Variants in LIMS1 observed in about 807,000 individuals in gnomAD.
LIMS1 encodes the protein LIM and senescent cell antigen-like-containing domain protein 1.
LIMS1 carries 18 observed loss-of-function variants against 44.1 expected under a neutral mutation model. That is an observed-to-expected ratio of 0.41 (90% CI 0.28 to 0.61). The LOEUF (loss-of-function observed/expected upper bound fraction) is 0.61, where lower values mean the gene tolerates loss of function less well. Ranked by LOEUF, LIMS1 falls within the 20% of genes least tolerant of loss-of-function variation. The pLI is 0.32. For synonymous variants in LIMS1, 93 were observed against 149.1 expected (o/e 0.62, Z 2.74); for missense variants, 201 against 422.0 (o/e 0.48, Z 4.59).
intron 1 of LIMS1, among the ~76,000 whole-genome samples, chr2:108,585,929 C>G (rs955557385): frequency 2.0e-5 from 3 of 152,050 alleles, no homozygotes; most frequent in African/African-American, 7.2e-5. Context: ...CGTGGTGGCT[C>G]ATGCCTGTAA....
At chr2:108,606,895 C>T (rs1687299307) in intron 1 of LIMS1, among the ~76,000 whole-genome samples, 2 of 152,230 alleles carry the variant, frequency 1.3e-5, no homozygotes, top group South Asian at 4.1e-4. Context: ...AAATATAGCA[C>T]AATTAGTTGT....
intron 1 of LIMS1, among the ~76,000 whole-genome samples, chr2:108,611,854 T>TATAC (rs771325535): frequency 0.032 from 3,966 of 125,228 alleles, 153 homozygotes; most frequent in South Asian, 0.15. Flanking sequence ...TATATATATA[T>TATAC]ACACACATAT....
chr2:108,609,208 G>A (rs903238223), intron 1 of LIMS1, among the ~76,000 whole-genome samples: 3 of 152,126 alleles, frequency 2.0e-5, no homozygotes, highest in Admixed American at 2.0e-4. Flanking sequence ...TTCCTGTGTT[G>A]GTGTGTGTGC....
intron 1 of LIMS1, among the ~76,000 whole-genome samples, chr2:108,643,537 G>A (rs2148925642): frequency 6.6e-6 from 1 of 152,108 alleles, no homozygotes; most frequent in South Asian, 2.1e-4. Flanking sequence ...CAGGGCCCTG[G>A]GTTTCCAGCA....
At chr2:108,570,506 C>T (rs1382484541) in intron 1 of LIMS1, among the ~76,000 whole-genome samples, 1 of 152,056 alleles carries the variant, frequency 6.6e-6, no homozygotes, top group Admixed American at 6.5e-5. Flanking sequence ...TTTCTGGAAT[C>T]CAGAAGTTGC....
At chr2:108,566,016 C>G (rs570948766) in intron 1 of LIMS1, among the ~76,000 whole-genome samples, 25 of 152,316 alleles carry the variant, frequency 1.6e-4, no homozygotes, top group Non-Finnish European at 3.4e-4. Context: ...CACAAACATT[C>G]ACACCATAGC....
chr2:108,613,278 A>C (rs1687757891), intron 1 of LIMS1, among the ~76,000 whole-genome samples: 1 of 152,164 alleles, frequency 6.6e-6, no homozygotes, highest in South Asian at 2.1e-4. Context: ...TTCTTTTGTA[A>C]ACTCGTAAAA....
intron 1 of LIMS1, among the ~76,000 whole-genome samples, chr2:108,628,592 C>T (rs951527731): frequency 4.6e-5 from 7 of 152,156 alleles, no homozygotes; most frequent in East Asian, 1.9e-4. Flanking sequence ...CTCAGCCTCC[C>T]GAGTAGCTGG....
At chr2:108,555,062 C>T (rs768681275) in intron 1 of LIMS1, among the ~76,000 whole-genome samples, 16 of 152,270 alleles carry the variant, frequency 1.1e-4, no homozygotes, top group Non-Finnish European at 2.1e-4. Flanking sequence ...ACATTTTCTT[C>T]GGTTACTTCC....
chr2:108,584,733 C>A (rs948094801), intron 1 of LIMS1, among the ~76,000 whole-genome samples: 6 of 152,016 alleles, frequency 3.9e-5, no homozygotes, highest in Non-Finnish European at 7.4e-5. Flanking sequence ...GAAGCCCTTC[C>A]CAGCCGAGGT....
chr2:108,679,431 G>C (rs1014290374), intron 8 of LIMS1, among the ~76,000 whole-genome samples: 8 of 152,014 alleles, frequency 5.3e-5, no homozygotes, highest in African/African-American at 1.7e-4. Flanking sequence ...TGTGAGCCAA[G>C]ATCACACCAT....
At chr2:108,541,808 T>C (rs1322611171) in intron 1 of LIMS1, among the ~76,000 whole-genome samples, 1 of 152,242 alleles carries the variant, frequency 6.6e-6, no homozygotes, top group Non-Finnish European at 1.5e-5. Context: ...TCTCATAAAA[T>C]AACGAATTCC....
intron 1 of LIMS1, among the ~76,000 whole-genome samples, chr2:108,586,259 T>G (rs555752620): frequency 6.6e-6 from 1 of 151,952 alleles, no homozygotes; most frequent in East Asian, 1.9e-4. Flanking sequence ...AGAGCTGTGA[T>G]GGTAGCTGGA....
chr2:108,650,849 C>T (rs1310496473), intron 1 of LIMS1, among the ~76,000 whole-genome samples: 3 of 134,084 alleles, frequency 2.2e-5, no homozygotes, highest in African/African-American at 7.6e-5. Flanking sequence ...GAGGCTATGA[C>T]TTTTATTTAT....
chr2:108,598,084 A>G (rs935295724), intron 1 of LIMS1, among the ~76,000 whole-genome samples: 8 of 151,616 alleles, frequency 5.3e-5, no homozygotes, highest in African/African-American at 1.9e-4. Flanking sequence ...TCATCCTAGG[A>G]ATAGCTACCA....
intron 2 of LIMS1, among the ~76,000 whole-genome samples, chr2:108,664,967 G>A (rs2433815): frequency 6.6e-6 from 1 of 152,202 alleles, no homozygotes; most frequent in East Asian, 1.9e-4. Context: ...AAAAGAAAGA[G>A]ATCCCAAATC....
chr2:108,566,769 G>T (rs1685305172), intron 1 of LIMS1, among the ~76,000 whole-genome samples: 1 of 152,000 alleles, frequency 6.6e-6, no homozygotes, highest in Non-Finnish European at 1.5e-5. Flanking sequence ...GCTAATTTTT[G>T]TATTTTTAGT....
intron 1 of LIMS1, among the ~76,000 whole-genome samples, chr2:108,592,777 G>T (rs1240902860): frequency 1.3e-5 from 2 of 152,172 alleles, no homozygotes; most frequent in African/African-American, 4.8e-5. Flanking sequence ...TAATATCTGA[G>T]TTGCAGATTC....
At chr2:108,617,816 A>G (rs1341114035) in intron 1 of LIMS1, among the ~76,000 whole-genome samples, 1 of 152,146 alleles carries the variant, frequency 6.6e-6, no homozygotes, top group African/African-American at 2.4e-5. Flanking sequence ...CTGTCTGGGA[A>G]ACTCCTGGAG....
Sources: allele counts gnomAD v4.1 joint callset (sites outside exome capture counted in the v4.1 genomes callset), GRCh38; gene constraint gnomAD v4.1.1; transcripts MANE v1.5; gene names NCBI Gene and HGNC (gene_info 2026-07-23, HGNC 2026-07-21).